The following SEMA6D variants were observed in gnomAD, a reference collection of about 807,000 sequenced individuals.
The protein encoded by SEMA6D is semaphorin-6D.
In SEMA6D, 35 loss-of-function variants were observed where a neutral mutation model predicts 106.6. The observed-to-expected ratio is 0.33, with a 90% CI of 0.25 to 0.44. SEMA6D has a LOEUF of 0.44. Ranked by LOEUF, SEMA6D falls within the 20% of genes least tolerant of loss-of-function variation. The probability of loss-of-function intolerance (pLI) is 1.00; values close to 1 mark genes in which losing one functional copy is unlikely to be tolerated. For synonymous variants in SEMA6D, 499 were observed against 487.7 expected (o/e 1.02, Z -0.31); for missense variants, 1,185 against 1,345.9 (o/e 0.88, Z 1.87).
Position 47,252,505 on chromosome 15 carries a change from TCTAA to T in SEMA6D, c.-239+68090_-239+68093del, listed in dbSNP as rs901318389. Among the ~76,000 whole-genome samples the T allele has an allele frequency of 1.2e-4, 18 of 152,250 alleles. 1 individual carries two copies. Among genetic ancestry groups the T allele is most frequent in the South Asian group, 2.1e-4 (1 of 4,826 alleles). On this transcript the variant is annotated intron_variant, in intron 1 of 19. Transcript: ENST00000558014. ...AAAACATTAGAACTTACTCTTCCTA[TCTAA>T]CTGTTACTTTGTACCCATTAACTTA...
At chr15:47,719,364 T>A (rs1049804201) in intron 1 of SEMA6D, among the ~76,000 whole-genome samples, 1 of 152,182 alleles carries the variant, frequency 6.6e-6, no homozygotes, top group African/African-American at 2.4e-5. Context: ...CATTGGACCT[T>A]ATGTCTGCCA....
At chr15:47,651,919 C>G (rs1014521906) in intron 4 of SEMA6D, among the ~76,000 whole-genome samples, 2 of 152,208 alleles carry the variant, frequency 1.3e-5, no homozygotes, top group Non-Finnish European at 2.9e-5. Flanking sequence ...CACATCTTTC[C>G]CCTGCCTGGA....
chr15:47,486,698 T>C (rs2043306739), intron 3 of SEMA6D, among the ~76,000 whole-genome samples: 1 of 152,234 alleles, frequency 6.6e-6, no homozygotes, highest in Admixed American at 6.5e-5. Context: ...TTGTTGACCT[T>C]AGGAAAGTCT....
At chr15:47,397,456 A>C (rs2040252085) in intron 1 of SEMA6D, 2 of 152,192 alleles carry the variant, frequency 1.3e-5, no homozygotes, top group Admixed American at 1.3e-4. Context: ...CTTACATATA[A>C]CAGGTGCTAA....
At position 47,371,973 on chromosome 15, in the gene SEMA6D, C is replaced by G. The variant is rs368091525; in HGVS notation, c.-238-40420C>G. 2.8e-4 allele frequency among the ~76,000 whole-genome samples: 43 copies of G among 152,336 alleles called. No individual in the cohort carries two copies. In the East Asian group the frequency reaches 7.7e-3, roughly 27 times the overall value. On this transcript the variant is annotated intron_variant, in intron 1 of 19. Coordinates refer to the SEMA6D transcript ENST00000558014. ...GTCCAGTAACGTGTTTAAGGTCACA[C>G]AACGTGTTAGTAGTTGAAGTCAATG...
At chr15:47,462,817 C>T (rs1463618629) in intron 2 of SEMA6D, among the ~76,000 whole-genome samples, 2 of 152,016 alleles carry the variant, frequency 1.3e-5, no homozygotes, top group Non-Finnish European at 2.9e-5. Flanking sequence ...ACTTAATTCA[C>T]CTTGGGTGAG....
chr15:47,591,506 G>C (rs2076439480), intron 3 of SEMA6D, among the ~76,000 whole-genome samples: 1 of 152,068 alleles, frequency 6.6e-6, no homozygotes, highest in African/African-American at 2.4e-5. Context: ...CAGGTGTGTT[G>C]GACTTGTTTA....
Position 47,302,063 on chromosome 15 carries a change from GC to G in SEMA6D, c.-238-110326del, listed in dbSNP as rs368483842. On this transcript the variant is annotated intron_variant, in intron 1 of 19. Coordinates refer to the SEMA6D transcript ENST00000558014. ...CTGAATATGCACCAGCCCCATGTTA[GC>G]CCCTACTGCATACAGTTTATCCCCT... is the stretch of plus-strand genomic sequence containing the variant. Among the ~76,000 whole-genome samples, 875 of 152,238 alleles carry G rather than the reference GC, an allele frequency of 5.7e-3. 13 individuals carry two copies. Among genetic ancestry groups the G allele is most frequent in the African/African-American group, 0.02 (830 of 41,550 alleles).
chr15:47,416,896 C>A (rs946547711), intron 2 of SEMA6D, among the ~76,000 whole-genome samples: 6 of 152,188 alleles, frequency 3.9e-5, no homozygotes, highest in Non-Finnish European at 7.4e-5. Context: ...ACCCGAGAAC[C>A]GCCATAACTG....
chr15:47,355,683 C>G (rs1487873855), intron 1 of SEMA6D, among the ~76,000 whole-genome samples: 2 of 152,126 alleles, frequency 1.3e-5, no homozygotes, highest in African/African-American at 2.4e-5. Flanking sequence ...TTTTAAGCCA[C>G]TTTGGGAAGG....
chr15:47,728,839 T>G (rs1051540792), intron 1 of SEMA6D, among the ~76,000 whole-genome samples: 5 of 152,346 alleles, frequency 3.3e-5, no homozygotes, highest in Admixed American at 2.0e-4. Flanking sequence ...CACTTCTCCC[T>G]CTCCGACTCT....
At chr15:47,745,369 C>T (rs914851157) in intron 1 of SEMA6D, among the ~76,000 whole-genome samples, 2 of 152,212 alleles carry the variant, frequency 1.3e-5, no homozygotes, top group Admixed American at 6.5e-5. Flanking sequence ...TGAACTAGCT[C>T]ACCCAAGGTC....
chr15:47,547,288 T>A (rs778178932), intron 3 of SEMA6D, among the ~76,000 whole-genome samples: 1 of 152,110 alleles, frequency 6.6e-6, no homozygotes, highest in Non-Finnish European at 1.5e-5. Flanking sequence ...CACCTGATAT[T>A]TTCCCGGAAA....
At chr15:47,365,886 GAGAGGA>G (rs1314985412) in intron 1 of SEMA6D, among the ~76,000 whole-genome samples, 385 of 59,284 alleles carry the variant, frequency 6.5e-3, no homozygotes, top group Non-Finnish European at 8.5e-3. Flanking sequence ...GAGAGAGAGA[GAGAGGA>G]GAGAGAGAGA....
intron 3 of SEMA6D, among the ~76,000 whole-genome samples, chr15:47,582,478 A>G (rs931116727): frequency 1.1e-4 from 16 of 152,144 alleles, no homozygotes; most frequent in Admixed American, 3.9e-4. Flanking sequence ...AAAGCAGGCT[A>G]TTTGGGGTTC....
chr15:47,726,026 C>T (rs2079725914), intron 1 of SEMA6D, among the ~76,000 whole-genome samples: 2 of 152,198 alleles, frequency 1.3e-5, no homozygotes, highest in Admixed American at 1.3e-4. Flanking sequence ...CAGGAATATT[C>T]GAGTGACATA....
At chr15:47,279,774 A>T (rs1237641071) in intron 1 of SEMA6D, among the ~76,000 whole-genome samples, 1 of 151,796 alleles carries the variant, frequency 6.6e-6, no homozygotes, top group African/African-American at 2.4e-5. Flanking sequence ...TTCTGCATCT[A>T]TTGAGATAAT....
intron 4 of SEMA6D, among the ~76,000 whole-genome samples, chr15:47,614,230 G>T (rs536101415): frequency 6.6e-6 from 1 of 152,254 alleles, no homozygotes; most frequent in Non-Finnish European, 1.5e-5. Flanking sequence ...CAAAGTGCGT[G>T]CCCAAACCAC....
chr15:47,327,248 A>G (rs116697806), intron 1 of SEMA6D, among the ~76,000 whole-genome samples: 1,554 of 152,334 alleles, frequency 0.01, 35 homozygotes, highest in African/African-American at 0.036. Context: ...CTTCTAACTC[A>G]TAGATTTATT....
Sources: allele counts gnomAD v4.1 joint callset (sites outside exome capture counted in the v4.1 genomes callset), GRCh38; gene constraint gnomAD v4.1.1; transcripts MANE v1.5; gene names NCBI Gene and HGNC (gene_info 2026-07-23, HGNC 2026-07-21).